The following PIK3AP1 variants were observed in gnomAD, a reference collection of about 807,000 sequenced individuals.
PIK3AP1 encodes the protein phosphoinositide-3-kinase adaptor protein 1, also known as phosphoinositide 3-kinase adapter protein 1.
Under a neutral mutation model 88.1 loss-of-function variants are expected in PIK3AP1, and 21 were observed. The ratio of observed to expected loss-of-function variants is 0.24; its 90% CI spans 0.17 to 0.34. PIK3AP1 has a LOEUF of 0.34. Among genes scored for constraint, PIK3AP1 ranks in the 10% least tolerant of loss-of-function variants. PIK3AP1 has a pLI of 1.00. For missense variants in PIK3AP1, 828 were observed against 1,035.7 expected, an observed-to-expected ratio of 0.80 and a Z score of 2.75; for synonymous variants, 398 against 400.0, an observed-to-expected ratio of 1.00 and a Z score of 0.06.
intron 13 of PIK3AP1, among the ~76,000 whole-genome samples, chr10:96,611,754 C>T (rs1849113701): frequency 6.6e-6 from 1 of 152,134 alleles, no homozygotes; most frequent in South Asian, 2.1e-4. Context: ...GTGTGAGCCA[C>T]TGCACCCAGC....
rs1440323214 is a variant in PIK3AP1 at position 96,651,510 on chromosome 10, T to C, written c.854A>G (p.Gln285Arg). 4 of 1,614,232 alleles carry C rather than the reference T, an allele frequency of 2.5e-6. No homozygotes were observed. Among genetic ancestry groups the C allele is most frequent in the Admixed American group, 1.7e-5 (1 of 60,018 alleles). Residue 285 changes from glutamine (Q) to arginine (R), a missense_variant and splice_region_variant, in exon 5 of 17, where the codon CAG becomes CGG. Gln to Arg is a conservative substitution (Grantham distance 43). Around this residue, in one of 3 missense-constraint regions of PIK3AP1, gnomAD observed 610 missense variants for 760.1 expected, o/e 0.80. Transcript: ENST00000339364. ...CAGGTTTCCTTGTAATATCCTTACCTGACACATGAATTCCACAGGATTCGC... is the reference window on the plus strand; with the variant it reads ...CAGGTTTCCTTGTAATATCCTTACCCGACACATGAATTCCACAGGATTCGC... The part of the protein sequence containing the change: ...NAANPVEFMC[Q>R]AFKIVPYNTE...
chr10:96,691,935 G>A (rs756030), intron 2 of PIK3AP1, among the ~76,000 whole-genome samples: 88,508 of 152,012 alleles, frequency 0.58, 27,661 homozygotes, highest in African/African-American at 0.83. Flanking sequence ...TCATCCATCA[G>A]GTCATATTTT....
chr10:96,691,207 G>A (rs960192265), intron 2 of PIK3AP1, among the ~76,000 whole-genome samples: 1 of 151,996 alleles, frequency 6.6e-6, no homozygotes, highest in Non-Finnish European at 1.5e-5. Flanking sequence ...GTACCTCCCC[G>A]AAACCCTCAA....
rs549809520 is a variant in PIK3AP1 at position 96,607,850 on chromosome 10, C to T, written c.2170+1862G>A. Among the ~76,000 whole-genome samples the T allele has an allele frequency of 2.6e-5, 4 of 152,278 alleles. No homozygotes were observed. In the South Asian group the frequency reaches 8.3e-4, roughly 32 times the overall value. Reference sequence around the variant, plus strand: ...GATGAACCACCGTCCCCCACTGAGTCCTGTTTAAGTTGTAGGATAAGGTAT... The same window carrying T: ...GATGAACCACCGTCCCCCACTGAGTTCTGTTTAAGTTGTAGGATAAGGTAT... On this transcript the variant is annotated intron_variant, in intron 14 of 16. Coordinates refer to ENST00000339364, the MANE Select transcript of PIK3AP1 (RefSeq NM_152309.3).
At chr10:96,637,082 C>G (rs1242528534) in intron 8 of PIK3AP1, among the ~76,000 whole-genome samples, 1 of 152,054 alleles carries the variant, frequency 6.6e-6, no homozygotes, top group African/African-American at 2.4e-5. Flanking sequence ...TGAAAGTAGG[C>G]CAAAAGAATT....
At position 96,704,196 on chromosome 10, in the gene PIK3AP1, T is replaced by C. The variant is rs551279356; in HGVS notation, c.430+5371A>G. ...AGCTCTACCCTGAAGTCTGATGGCC[T>C]AAGCACCAAATACTGGCCTAATTTT... On this transcript the variant is annotated intron_variant, in intron 2 of 16. Transcript: ENST00000339364. 2.6e-5 allele frequency among the ~76,000 whole-genome samples: 4 copies of C among 152,334 alleles called. No individual in the cohort carries two copies. The South Asian group carries it at 8.3e-4, about 32-fold the overall frequency.
intron 7 of PIK3AP1, 92 bp downstream of exon 7, chr10:96,648,567 G>T: frequency 1.5e-6 from 2 of 1,323,492 alleles, no homozygotes; most frequent in Non-Finnish European, 2.0e-6. Flanking sequence ...GGACATGCTA[G>T]AGATAAAATC....
chr10:96,602,522 G>A, intron 15 of PIK3AP1, 124 bp from the exon 16 acceptor site: 3 of 759,734 alleles, frequency 3.9e-6, no homozygotes, highest in Admixed American at 2.5e-5. Flanking sequence ...TTTGCAAATT[G>A]ATAATCAACC....
intron 7 of PIK3AP1, among the ~76,000 whole-genome samples, chr10:96,647,785 T>C (rs1195076656): frequency 6.6e-6 from 1 of 151,940 alleles, no homozygotes. Flanking sequence ...CCCTGTGAGG[T>C]CACAGCCCCA....
At chr10:96,606,250 G>T (rs892217135) in intron 14 of PIK3AP1, among the ~76,000 whole-genome samples, 1 of 152,076 alleles carries the variant, frequency 6.6e-6, no homozygotes, top group African/African-American at 2.4e-5. Flanking sequence ...CAGGACAAAT[G>T]CTATCAAAAC....
chr10:96,671,667 C>T (rs988096158), intron 2 of PIK3AP1, among the ~76,000 whole-genome samples: 7 of 150,926 alleles, frequency 4.6e-5, no homozygotes, highest in Admixed American at 6.8e-5. Flanking sequence ...TTCTCATCAC[C>T]GTCGTCATCA....
chr10:96,651,768 G>T, intron 4 of PIK3AP1, 117 bp from the exon 5 acceptor site: 1 of 1,236,738 alleles, frequency 8.1e-7, no homozygotes, highest in Non-Finnish European at 1.1e-6. Context: ...GGGGCTGGAA[G>T]AAAGATCTTG....
At chr10:96,705,795 C>T (rs1844353887) in intron 2 of PIK3AP1, among the ~76,000 whole-genome samples, 1 of 150,470 alleles carries the variant, frequency 6.6e-6, no homozygotes, top group South Asian at 2.1e-4. Context: ...GTTGTCCAGA[C>T]AGGTCTCAAA....
chr10:96,694,174 C>T (rs1422257326), intron 2 of PIK3AP1, among the ~76,000 whole-genome samples: 1 of 152,158 alleles, frequency 6.6e-6, no homozygotes, highest in Non-Finnish European at 1.5e-5. Context: ...CTGGATACTC[C>T]TGGCATTAAG....
intron 2 of PIK3AP1, among the ~76,000 whole-genome samples, chr10:96,680,412 T>A (rs1348185517): frequency 2.6e-5 from 4 of 152,146 alleles, no homozygotes; most frequent in Non-Finnish European, 5.9e-5. Flanking sequence ...ATCCAGGTAC[T>A]AAGCCTAGTA....
chr10:96,705,232 G>C (rs1844346400), intron 2 of PIK3AP1, among the ~76,000 whole-genome samples: 1 of 152,202 alleles, frequency 6.6e-6, no homozygotes, highest in Non-Finnish European at 1.5e-5. Flanking sequence ...GGTATACCAG[G>C]TGAAGGAGGA....
chr10:96,601,529 C>T (rs1848895413), intron 16 of PIK3AP1, among the ~76,000 whole-genome samples: 1 of 146,648 alleles, frequency 6.8e-6, no homozygotes, highest in Non-Finnish European at 1.5e-5. Context: ...ATAGTTCTTG[C>T]AAGTTTGCAA....
intron 2 of PIK3AP1, among the ~76,000 whole-genome samples, chr10:96,684,677 G>A (rs959950886): frequency 6.6e-6 from 1 of 152,170 alleles, no homozygotes; most frequent in Non-Finnish European, 1.5e-5. Context: ...ACTTTGAGGT[G>A]CAATTGGCAG....
At chr10:96,598,963 C>T (rs147726368) in intron 16 of PIK3AP1, among the ~76,000 whole-genome samples, 168 of 152,316 alleles carry the variant, frequency 1.1e-3, no homozygotes, top group African/African-American at 3.6e-3. Flanking sequence ...CAGAATTAAA[C>T]GTGAAGGCTT....
Sources: allele counts gnomAD v4.1 joint callset (sites outside exome capture counted in the v4.1 genomes callset), GRCh38; gene constraint gnomAD v4.1.1; regional missense constraint gnomAD v4.1.1; transcripts MANE v1.5; gene names NCBI Gene and HGNC (gene_info 2026-07-23, HGNC 2026-07-21).